TCF12: variants seen among roughly 807,000 people sequenced by gnomAD.
TCF12 encodes the protein transcription factor 12.
A neutral mutation model predicts 86.0 loss-of-function variants in TCF12; 45 were observed. The ratio of observed to expected loss-of-function variants is 0.52; its 90% CI spans 0.41 to 0.67. The LOEUF (loss-of-function observed/expected upper bound fraction) is 0.67, where lower values mean the gene tolerates loss of function less well. Among genes scored for constraint, TCF12 ranks in the 30% least tolerant of loss-of-function variants. The pLI, the probability that TCF12 is intolerant of heterozygous loss-of-function variation, is 0.00. For missense variants in TCF12, 881 were observed against 859.9 expected (o/e 1.02, Z -0.31); for synonymous variants, 330 against 299.6 (o/e 1.10, Z -1.05).
intron 8 of TCF12, chr15:57,219,639 G>T (rs1179109245): frequency 6.4e-7 from 1 of 1,561,274 alleles, no homozygotes; most frequent in South Asian, 1.1e-5. Context: ...TTAAAGGAAA[G>T]CAGTATACAT....
At chr15:56,978,446 T>G (rs1409447321) in intron 3 of TCF12, among the ~76,000 whole-genome samples, 3 of 152,092 alleles carry the variant, frequency 2.0e-5, no homozygotes, top group Admixed American at 6.5e-5. Flanking sequence ...ATATGTAATA[T>G]AAAGAAAAAT....
chr15:57,097,618 C>T (rs1183121536), intron 5 of TCF12, among the ~76,000 whole-genome samples: 1 of 152,064 alleles, frequency 6.6e-6, no homozygotes, highest in Admixed American at 6.5e-5. Context: ...TATAAAGTGT[C>T]GAAGGGAAAT....
chr15:56,930,146 C>A (rs1423164774), intron 3 of TCF12, among the ~76,000 whole-genome samples: 1 of 152,096 alleles, frequency 6.6e-6, no homozygotes, highest in African/African-American at 2.4e-5. Context: ...CTGCTGTCGG[C>A]AAGAGTTGTG....
At chr15:56,976,711 C>T (rs568428232) in intron 3 of TCF12, among the ~76,000 whole-genome samples, 1 of 152,142 alleles carries the variant, frequency 6.6e-6, no homozygotes, top group South Asian at 2.1e-4. Flanking sequence ...GTCTCTCCCA[C>T]CCAGACAGTT....
intron 4 of TCF12, among the ~76,000 whole-genome samples, chr15:57,089,388 T>C (rs1365984157): frequency 2.0e-5 from 3 of 152,172 alleles, no homozygotes; most frequent in Admixed American, 2.0e-4. Flanking sequence ...AAAAAGTCTA[T>C]AGGCTCCTAT....
chr15:57,248,386 T>C (rs1195377276), intron 13 of TCF12, among the ~76,000 whole-genome samples: 3 of 152,252 alleles, frequency 2.0e-5, no homozygotes, highest in African/African-American at 7.2e-5. Flanking sequence ...CTTTGTTTAC[T>C]ACAGTTGTTA....
In TCF12 at chr15:57,289,213, T is replaced by C. The variant is rs2062026308; in HGVS notation, c.*3068T>C. 6.6e-6 allele frequency: 1 copy of C among 152,206 alleles called. No individual in the cohort carries two copies. The allele number at this position is 152,206 out of a possible 1,614,324, so 9.4% of individuals were successfully genotyped here. On this transcript the variant is annotated 3_prime_UTR_variant, in exon 21 of 21. Transcript: ENST00000333725. ...TTCACATTGGGTGCCTAACAGAACA[T>C]TTTGCTTCTTGTGGGATTTAGTGAA...
chr15:57,045,628 T>C (rs2067183558), intron 3 of TCF12, among the ~76,000 whole-genome samples: 1 of 152,116 alleles, frequency 6.6e-6, no homozygotes, highest in South Asian at 2.1e-4. Context: ...TCACTGCAGC[T>C]TCTACCTCCT....
At chr15:57,206,687 G>A (rs369601988) in intron 8 of TCF12, among the ~76,000 whole-genome samples, 4 of 146,884 alleles carry the variant, frequency 2.7e-5, no homozygotes, top group African/African-American at 7.6e-5. Flanking sequence ...TCCTGTACTC[G>A]GAAGGCTGAG....
intron 18 of TCF12, among the ~76,000 whole-genome samples, chr15:57,264,195 C>CTTTTTTTTTTTTTTTGTGTTTTTTTT (rs2060730837): frequency 2.0e-5 from 1 of 50,698 alleles, no homozygotes; most frequent in Non-Finnish European, 3.0e-5. Context: ...CTTTTGTAAG[C>CTTTTTTTTTTTTTTTGTGTTTTTTTT]TTTTTTTTTT....
intron 4 of TCF12, among the ~76,000 whole-genome samples, chr15:57,082,296 G>GA (rs1436030132): frequency 6.6e-6 from 1 of 152,168 alleles, no homozygotes; most frequent in Non-Finnish European, 1.5e-5. Context: ...TTGTTGCCAT[G>GA]ACTCTTAACA....
intron 14 of TCF12, among the ~76,000 whole-genome samples, chr15:57,251,882 T>G (rs1444672847): frequency 6.6e-6 from 1 of 152,224 alleles, no homozygotes; most frequent in African/African-American, 2.4e-5. Context: ...GTCATGAAAG[T>G]ATTATTTCCC....
intron 16 of TCF12, among the ~76,000 whole-genome samples, chr15:57,258,178 G>T (rs1317375245): frequency 6.6e-6 from 1 of 152,210 alleles, no homozygotes; most frequent in East Asian, 1.9e-4. Flanking sequence ...GTACTTGTGA[G>T]AAAGAGGTGA....
chr15:56,965,603 C>G (rs900920623), intron 3 of TCF12, among the ~76,000 whole-genome samples: 1 of 152,052 alleles, frequency 6.6e-6, no homozygotes, highest in Admixed American at 6.5e-5. Context: ...AATAAATATT[C>G]ATTGAAGAAA....
intron 5 of TCF12, among the ~76,000 whole-genome samples, chr15:57,127,211 G>A (rs1238770486): frequency 6.6e-6 from 1 of 152,034 alleles, no homozygotes; most frequent in Non-Finnish European, 1.5e-5. Context: ...TCGAACTCCT[G>A]ACCTTAGGTG....
intron 5 of TCF12, among the ~76,000 whole-genome samples, chr15:57,152,398 C>T (rs1020110616): frequency 6.6e-6 from 1 of 151,874 alleles, no homozygotes; most frequent in Non-Finnish European, 1.5e-5. Flanking sequence ...AGAGGTGGCC[C>T]TGTTATTGGA....
intron 3 of TCF12, among the ~76,000 whole-genome samples, chr15:56,952,282 T>C (rs2061313926): frequency 6.6e-6 from 1 of 152,136 alleles, no homozygotes. Context: ...TATCATACTT[T>C]CTTGATTCTT....
At chr15:57,177,121 G>A (rs901835916) in intron 6 of TCF12, among the ~76,000 whole-genome samples, 2 of 152,136 alleles carry the variant, frequency 1.3e-5, no homozygotes, top group Non-Finnish European at 1.5e-5. Flanking sequence ...TGAACCATGT[G>A]ATCTAGGAAA....
At position 57,223,655 on chromosome 15, in the gene TCF12, T is replaced by G. The variant is rs866443481; in HGVS notation, c.580-7497T>G. Among the ~76,000 whole-genome samples the G allele has an allele frequency of 8.8e-3, 855 of 97,136 alleles. 9 individuals carry two copies. The highest frequency in any genetic ancestry group is 0.022 in the African/African-American group (647 of 29,804). The allele number at this position is 97,136 out of a possible 152,430, so 63.7% of individuals were successfully genotyped here. ...GCCTACCAATGAGGTTTTTTTTTTT[T>G]TTTTTTTTTTTTTTTTAGAAATAGA... On this transcript the variant is annotated intron_variant, in intron 8 of 20. Transcript: ENST00000333725.
Sources: allele counts gnomAD v4.1 joint callset (sites outside exome capture counted in the v4.1 genomes callset), GRCh38; gene constraint gnomAD v4.1.1; transcripts MANE v1.5; gene names NCBI Gene and HGNC (gene_info 2026-07-23, HGNC 2026-07-21).